The following DLG2 variants were observed in gnomAD, a reference collection of about 807,000 sequenced individuals.
The protein encoded by DLG2 is disks large homolog 2.
DLG2 carries 45 observed loss-of-function variants against 132.5 expected under a neutral mutation model. That is an observed-to-expected ratio of 0.34 (90% CI 0.27 to 0.44). The LOEUF is 0.44. Among genes scored for constraint, DLG2 ranks in the 20% least tolerant of loss-of-function variants. The probability of loss-of-function intolerance (pLI) is 1.00; values close to 1 mark genes in which losing one functional copy is unlikely to be tolerated. For synonymous variants in DLG2, 424 were observed against 419.6 expected (o/e 1.01, Z -0.13); for missense variants, 1,045 against 1,196.9 (o/e 0.87, Z 1.87).
intron 9 of DLG2, among the ~76,000 whole-genome samples, chr11:84,154,647 C>T (rs551630851): frequency 2.6e-5 from 4 of 152,102 alleles, no homozygotes; most frequent in Non-Finnish European, 2.9e-5. Flanking sequence ...ATCCCTCCCC[C>T]CTTCCCCCAC....
chr11:84,080,611 T>C (rs1004744140), intron 10 of DLG2, among the ~76,000 whole-genome samples: 1 of 152,166 alleles, frequency 6.6e-6, no homozygotes, highest in Non-Finnish European at 1.5e-5. Context: ...ATCAAATAGA[T>C]TGTGTTTTAA....
intron 21 of DLG2, among the ~76,000 whole-genome samples, chr11:83,501,822 C>T (rs1371315860): frequency 1.3e-5 from 2 of 152,148 alleles, no homozygotes; most frequent in Non-Finnish European, 1.5e-5. Context: ...AAGTACATAT[C>T]ACCACATTAG....
At chr11:84,088,617 T>C (rs1016448993) in intron 10 of DLG2, among the ~76,000 whole-genome samples, 3 of 152,202 alleles carry the variant, frequency 2.0e-5, no homozygotes, top group African/African-American at 7.2e-5. Flanking sequence ...GACTTGTCGA[T>C]TGCCAGTCAC....
intron 3 of DLG2, among the ~76,000 whole-genome samples, chr11:85,563,294 G>A (rs2077353021): frequency 6.6e-6 from 1 of 151,704 alleles, no homozygotes; most frequent in Non-Finnish European, 1.5e-5. Context: ...CTATAGTCAT[G>A]TAACCAACAC....
chr11:83,735,802 C>T (rs1463391096), intron 18 of DLG2, among the ~76,000 whole-genome samples: 1 of 152,156 alleles, frequency 6.6e-6, no homozygotes, highest in African/African-American at 2.4e-5. Context: ...AAGTGAACTA[C>T]AGTCTGAAAA....
intron 15 of DLG2, among the ~76,000 whole-genome samples, chr11:83,900,439 GT>G (rs1413846581): frequency 6.6e-6 from 1 of 152,154 alleles, no homozygotes; most frequent in Non-Finnish European, 1.5e-5. Flanking sequence ...GAAAAAAGTG[GT>G]TTTGTGGGCT....
At chr11:84,909,066 G>T (rs1315561880) in intron 6 of DLG2, among the ~76,000 whole-genome samples, 1 of 151,928 alleles carries the variant, frequency 6.6e-6, no homozygotes, top group Non-Finnish European at 1.5e-5. Flanking sequence ...AGCAATCATG[G>T]TCTGAATAGT....
intron 6 of DLG2, among the ~76,000 whole-genome samples, chr11:84,636,905 C>G (rs1385347004): frequency 6.6e-6 from 1 of 151,880 alleles, no homozygotes; most frequent in African/African-American, 2.4e-5. Context: ...CTTCAACCTC[C>G]TGAGTAGCTG....
At chr11:85,160,441 A>G (rs1297347001) in intron 4 of DLG2, among the ~76,000 whole-genome samples, 1 of 152,226 alleles carries the variant, frequency 6.6e-6, no homozygotes, top group African/African-American at 2.4e-5. Context: ...TCTTCTGCAG[A>G]TAAGTACTCT....
At chr11:83,802,715 TAA>T (rs564703024) in intron 17 of DLG2, among the ~76,000 whole-genome samples, 1 of 151,774 alleles carries the variant, frequency 6.6e-6, no homozygotes, top group South Asian at 2.1e-4. Flanking sequence ...ATTTTGAAAC[TAA>T]AAAAAAGTCA....
intron 3 of DLG2, 120 bp downstream of exon 3, chr11:85,598,537 T>C (rs2079939864): frequency 7.1e-6 from 4 of 562,400 alleles, no homozygotes; most frequent in Non-Finnish European, 8.3e-6. Flanking sequence ...TCCCTTCCAG[T>C]ATTAAAGAAA....
intron 6 of DLG2, among the ~76,000 whole-genome samples, chr11:84,564,457 T>C (rs1034528995): frequency 5.3e-5 from 8 of 152,124 alleles, no homozygotes; most frequent in African/African-American, 1.9e-4. Context: ...ACTATTCCCT[T>C]ATTGGGTGAG....
chr11:84,154,911 A>C (rs2095396559), intron 9 of DLG2, among the ~76,000 whole-genome samples: 1 of 152,166 alleles, frequency 6.6e-6, no homozygotes, highest in Non-Finnish European at 1.5e-5. Flanking sequence ...AAAATTGACA[A>C]ATGGTATCTA....
At chr11:83,643,211 T>C (rs531517960) in intron 18 of DLG2, among the ~76,000 whole-genome samples, 65 of 152,338 alleles carry the variant, frequency 4.3e-4, no homozygotes, top group African/African-American at 1.5e-3. Flanking sequence ...TTCCTCTCTC[T>C]GAGATTTATC....
At chr11:85,063,323 G>A (rs1395821505) in intron 6 of DLG2, among the ~76,000 whole-genome samples, 1 of 151,786 alleles carries the variant, frequency 6.6e-6, no homozygotes, top group Non-Finnish European at 1.5e-5. Flanking sequence ...TGGGGAGCCT[G>A]GCCTGCAACA....
intron 6 of DLG2, among the ~76,000 whole-genome samples, chr11:84,962,362 C>CA (rs2052701898): frequency 1.3e-5 from 2 of 152,224 alleles, no homozygotes; most frequent in African/African-American, 4.8e-5. Flanking sequence ...CACTATCGGA[C>CA]AGATTGTGAT....
At chr11:83,643,971 G>A (rs1204334571) in intron 18 of DLG2, among the ~76,000 whole-genome samples, 1 of 151,936 alleles carries the variant, frequency 6.6e-6, no homozygotes, top group African/African-American at 2.4e-5. Flanking sequence ...CCATTTAGCA[G>A]CCAATTTCTG....
intron 3 of DLG2, among the ~76,000 whole-genome samples, chr11:85,486,942 T>A (rs1359609029): frequency 6.6e-6 from 1 of 151,074 alleles, no homozygotes; most frequent in Non-Finnish European, 1.5e-5. Context: ...ATGGTCCAAC[T>A]AGTGTCCTAG....
chr11:84,089,710 T>C (rs998177705), intron 10 of DLG2, among the ~76,000 whole-genome samples: 18 of 152,326 alleles, frequency 1.2e-4, no homozygotes, highest in African/African-American at 3.6e-4. Context: ...AATGAAGCAA[T>C]GGATTTAAAG....
Sources: allele counts gnomAD v4.1 joint callset (sites outside exome capture counted in the v4.1 genomes callset), GRCh38; gene constraint gnomAD v4.1.1; transcripts MANE v1.5; gene names NCBI Gene and HGNC (gene_info 2026-07-23, HGNC 2026-07-21).